The following IL12RB1 variants were observed in gnomAD, a reference collection of about 807,000 sequenced individuals.
The protein encoded by IL12RB1 is interleukin-12 receptor subunit beta-1.
In IL12RB1, 64 loss-of-function variants were observed where a neutral mutation model predicts 94.4. The observed-to-expected ratio is 0.68, with a 90% confidence interval of 0.55 to 0.83. IL12RB1 has a LOEUF of 0.83. Ranked by LOEUF, IL12RB1 falls within the 40% of genes least tolerant of loss-of-function variation. The probability of loss-of-function intolerance (pLI) is 0.00; values close to 1 mark genes in which losing one functional copy is unlikely to be tolerated. For synonymous variants in IL12RB1, 362 were observed against 355.5 expected (o/e 1.02, Z -0.21); for missense variants, 814 against 855.6 (o/e 0.95, Z 0.61).
In IL12RB1 at chr19:18,059,956, C is replaced by A; in HGVS notation, c.1921G>T (p.Ala641Ser). 6.3e-7 allele frequency: 1 copy of A among 1,597,084 alleles called. No homozygotes were observed. Among genetic ancestry groups the A allele is most frequent in the South Asian group, 1.1e-5 (1 of 88,402 alleles). The change falls in exon 16 of 17, where the codon GCC becomes TCC. Residue 641 changes from alanine to serine, a missense_variant. Physicochemically the swap from Ala to Ser is moderately conservative, Grantham distance 99. Transcript: ENST00000593993. ...TCTGTATCCAGGGCCAGCTCAGGGG[C>A]ACCCTCAGGTAGCTCTGTCTTCTCG... is the stretch of plus-strand genomic sequence containing the variant. ...PLEKTELPEG[A>S]PELALDTELS...
In IL12RB1 at chr19:18,062,293, G is replaced by A. The variant is rs767351071; in HGVS notation, c.1619-16C>T. The A allele has an allele frequency of 1.1e-5, 17 of 1,563,202 alleles. No individual in the cohort carries two copies. In the Middle Eastern group the frequency reaches 5.0e-4, roughly 46 times the overall value. On this transcript the variant is annotated splice_polypyrimidine_tract_variant and intron_variant, in intron 13 of 16. Coordinates refer to ENST00000593993, the MANE Select transcript of IL12RB1 (RefSeq NM_005535.3). ...ACCTGCACTTCTGAGGTGGGAGAGC[G>A]TGGGTTGGCAGAGGGCTACCTCCTG...
At chr19:18,077,364 A>AG in intron 5 of IL12RB1, 152 bp downstream of exon 5, 4 of 366,578 alleles carry the variant, frequency 1.1e-5, no homozygotes, top group Admixed American at 4.0e-5. Flanking sequence ...TCCGTCTCAG[A>AG]AAAAAAAAAA....
chr19:18,079,888 C>T (rs1301762759), intron 4 of IL12RB1, among the ~76,000 whole-genome samples: 2 of 151,898 alleles, frequency 1.3e-5, no homozygotes, highest in African/African-American at 4.8e-5. Flanking sequence ...CAGAGCGAAA[C>T]TCCATCTCAA....
chr19:18,066,428 T>G (rs2034584712), intron 12 of IL12RB1, 114 bp downstream of exon 12: 1 of 739,432 alleles, frequency 1.4e-6, no homozygotes, highest in Admixed American at 2.1e-5. Flanking sequence ...TTTAAGGGTT[T>G]GATAACCAAG....
rs773049771 is a variant in IL12RB1, at chr19:18,064,010, T to C, written c.1484A>G (p.Glu495Gly). ...CRDEDSKQVS[E>G]HPVQPTETQV... is the part of the protein sequence containing the mutation. Reference sequence around the variant, plus strand: ...GGTCTCTGTGGGCTGCACGGGATGCTCTGCAGTGGGAGAGGCAACCCTGAG... The same window carrying C: ...GGTCTCTGTGGGCTGCACGGGATGCCCTGCAGTGGGAGAGGCAACCCTGAG... The change falls in exon 13 of 17, where the codon GAG becomes GGG. Residue 495 changes from glutamate (E) to glycine (G), a missense_variant and splice_region_variant. By Grantham distance (98) the Glu-to-Gly change is moderately conservative. Transcript: ENST00000593993. 3.4e-5 allele frequency: 54 copies of C among 1,611,074 alleles called. No homozygotes were observed. Among genetic ancestry groups the C allele is most frequent in the Middle Eastern group, 1.7e-4 (1 of 5,962 alleles).
At chr19:18,083,307 TC>T in intron 2 of IL12RB1, 124 bp downstream of exon 2, 1 of 917,336 alleles carries the variant, frequency 1.1e-6, no homozygotes, top group Non-Finnish European at 1.8e-6. Flanking sequence ...GGGTGGGGAC[TC>T]CCAAGACCAC....
chr19:18,059,406 C>G lies in IL12RB1; in HGVS notation c.*202G>C. The G allele has an allele frequency of 3.2e-6, 2 of 632,370 alleles. No homozygotes were observed. Among genetic ancestry groups the G allele is most frequent in the South Asian group, 1.8e-5 (1 of 54,196 alleles). The allele number at this position is 632,370 out of a possible 1,614,324, so 39.2% of individuals were successfully genotyped here. A position where few individuals can be genotyped will look rare whatever the true frequency, so the allele number is the denominator to read the frequency against. On this transcript the variant is annotated 3_prime_UTR_variant, in exon 17 of 17. Transcript: ENST00000593993. ...GGGTCTGCTCCTGCCCCACGGATGC[C>G]AGGCCCAGCAGGGTGCAGCAGCTTC...
intron 1 of IL12RB1, among the ~76,000 whole-genome samples, chr19:18,085,124 G>A (rs1431388158): frequency 6.6e-6 from 1 of 152,118 alleles, no homozygotes; most frequent in Non-Finnish European, 1.5e-5. Context: ...AGAGAAGGAG[G>A]GGGATGCCAC....
At chr19:18,079,496 C>T (rs1448564057) in intron 4 of IL12RB1, among the ~76,000 whole-genome samples, 1 of 152,220 alleles carries the variant, frequency 6.6e-6, no homozygotes, top group Non-Finnish European at 1.5e-5. Flanking sequence ...ATTTGTGCTG[C>T]GTAACTACAA....
chr19:18,063,386 C>T (rs2034320588), intron 13 of IL12RB1, among the ~76,000 whole-genome samples: 2 of 152,092 alleles, frequency 1.3e-5, no homozygotes, highest in Admixed American at 1.3e-4. Flanking sequence ...GTGTGAGCCA[C>T]CACACCGGGT....
chr19:18,073,518 T>C lies in IL12RB1; in HGVS notation c.782A>G (p.Gln261Arg). ...ACAGCCCTGTGACAGCCCCGTTACC[T>C]GCTCTTTCAGGGTCAGCCGCCTCCT... ...DGRRRLTLKE[Q>R]PTQLELPEGC... Residue 261 changes from glutamine (Q) to arginine (R), a missense_variant and splice_region_variant, in exon 8 of 17, where the codon CAG becomes CGG. Physicochemically the swap from Gln to Arg is conservative, Grantham distance 43 (BLOSUM62 1). Transcript: ENST00000593993. The C allele has an allele frequency of 6.3e-7, 1 of 1,597,638 alleles. No homozygotes were observed. Among genetic ancestry groups the C allele is most frequent in the Non-Finnish European group, 8.6e-7 (1 of 1,165,146 alleles).
chr19:18,071,626 A>AC (rs1416823496), intron 9 of IL12RB1, among the ~76,000 whole-genome samples: 2 of 138,536 alleles, frequency 1.4e-5, no homozygotes, highest in African/African-American at 5.1e-5. Flanking sequence ...GTCTCTTAAA[A>AC]AAAACAAACC....
At chr19:18,062,789 ACT>A (rs2034242839) in intron 13 of IL12RB1, among the ~76,000 whole-genome samples, 1 of 151,624 alleles carries the variant, frequency 6.6e-6, no homozygotes, top group Non-Finnish European at 1.5e-5. Context: ...ATAAAAAAAG[ACT>A]CTGTAATTCC....
intron 14 of IL12RB1, 68 bp from the exon 15 acceptor site, chr19:18,061,265 C>G (rs1306848494): frequency 1.3e-6 from 1 of 789,406 alleles, no homozygotes; most frequent in South Asian, 1.7e-5. Context: ...GAGTCTTGCT[C>G]TGTTGCCCAG....
rs1267611031 is a variant in IL12RB1 at position 18,082,377 on chromosome 19, C to G, written c.125-113G>C. The G allele has an allele frequency of 1.7e-5, 12 of 717,750 alleles. No individual in the cohort carries two copies. In the East Asian group the frequency reaches 3.0e-4, roughly 18 times the overall value. 44.5% of individuals were successfully genotyped at this position (717,750 alleles called of 1,614,324 possible). ...TCAGCGTCACCTCAGCCTAAACCCT[C>G]CCCGCGTCCTTCCTACCTCATCCCC... On this transcript the variant is annotated intron_variant, in intron 2 of 16. Transcript: ENST00000593993.
At chr19:18,093,400 GCATT>G (rs1451065761) in intron 1 of IL12RB1, among the ~76,000 whole-genome samples, 3 of 151,714 alleles carry the variant, frequency 2.0e-5, no homozygotes, top group South Asian at 4.2e-4. Flanking sequence ...CAGAAAAACT[GCATT>G]CATTCATTCA....
chr19:18,068,323 G>A, intron 11 of IL12RB1, 66 bp downstream of exon 11: 1 of 1,323,376 alleles, frequency 7.6e-7, no homozygotes, highest in Non-Finnish European at 1.0e-6. Context: ...ACTGTGCCCA[G>A]CCTCTATTTT....
chr19:18,081,590 G>A (rs534135553), intron 3 of IL12RB1, among the ~76,000 whole-genome samples: 27 of 151,680 alleles, frequency 1.8e-4, no homozygotes, highest in Non-Finnish European at 2.1e-4. Context: ...GAGGCCAAGG[G>A]GGGGTGGATC....
chr19:18,068,367 C>G (rs1365654630), intron 11 of IL12RB1, 22 bp downstream of exon 11: 7 of 1,581,198 alleles, frequency 4.4e-6, no homozygotes, highest in Non-Finnish European at 6.0e-6. Context: ...ATAATGTAAA[C>G]CTGCAGGTTT....
Sources: allele counts gnomAD v4.1 joint callset (sites outside exome capture counted in the v4.1 genomes callset), GRCh38; gene constraint gnomAD v4.1.1; transcripts MANE v1.5; gene names NCBI Gene and HGNC (gene_info 2026-07-23, HGNC 2026-07-21).